The following SEMA4F variants were observed in gnomAD, a reference collection of about 807,000 sequenced individuals.
SEMA4F encodes the protein semaphorin-4F.
A neutral mutation model predicts 78.4 loss-of-function variants in SEMA4F; 51 were observed. The observed-to-expected ratio is 0.65, with a 90% CI of 0.52 to 0.82. SEMA4F has a LOEUF of 0.82. Among genes scored for constraint, SEMA4F ranks in the 40% least tolerant of loss-of-function variants. The probability of loss-of-function intolerance (pLI) is 0.00; values close to 1 mark genes in which losing one functional copy is unlikely to be tolerated. For missense variants in SEMA4F, 938 were observed against 1,014.4 expected, an observed-to-expected ratio of 0.92 and a Z score of 1.02; for synonymous variants, 418 against 408.7, an observed-to-expected ratio of 1.02 and a Z score of -0.27.
intron 4 of SEMA4F, among the ~76,000 whole-genome samples, chr2:74,661,650 CA>C (rs1684430369): frequency 6.6e-6 from 1 of 152,210 alleles, no homozygotes; most frequent in South Asian, 2.1e-4. Flanking sequence ...TCTGACCCAG[CA>C]TTCCGTTTTT....
At chr2:74,689,324 A>T in the SEMA4F span, among the ~76,000 whole-genome samples, 1 of 152,216 alleles carries the variant, frequency 6.6e-6, no homozygotes, top group Non-Finnish European at 1.5e-5. Flanking sequence ...GGAACCAGAA[A>T]AAACAAGAAA....
At chr2:74,675,120 T>C in intron 9 of SEMA4F, 42 bp from the exon 10 acceptor site, 1 of 1,613,760 alleles carries the variant, frequency 6.2e-7, no homozygotes, top group South Asian at 1.1e-5. Context: ...TGGCATGTCC[T>C]GTTCCTGGGA....
rs758241821 is a variant in SEMA4F, at chr2:74,654,427, C to G, written c.51C>G (p.Ala17=). 11 of 1,561,628 alleles carry G rather than the reference C, an allele frequency of 7.0e-6. No homozygotes were observed. The South Asian group carries it at 9.4e-5, about 13-fold the overall frequency. ...GCCCGGGTCCCGGGCAGCCTACAGCCTCGCCCTTCCCGCTACTGCTGCTGG... is the reference window on the plus strand; with the variant it reads ...GCCCGGGTCCCGGGCAGCCTACAGCGTCGCCCTTCCCGCTACTGCTGCTGG... The part of the protein sequence containing the change: ...RPRPGPGQPT[A]SPFPLLLLAV... Residue 17 remains alanine (A), a synonymous_variant, in exon 1 of 14, where the codon GCC becomes GCG. Coordinates refer to ENST00000357877, the MANE Select transcript of SEMA4F (RefSeq NM_004263.5).
At chr2:74,673,395 T>C in intron 5 of SEMA4F, 62 bp from the exon 6 acceptor site, 1 of 1,602,420 alleles carries the variant, frequency 6.2e-7, no homozygotes. Context: ...ACTCTGCCTG[T>C]GACCTCTGTT....
chr2:74,678,959 C>A (rs1334794735), intron 12 of SEMA4F, among the ~76,000 whole-genome samples: 1 of 151,962 alleles, frequency 6.6e-6, no homozygotes, highest in Non-Finnish European at 1.5e-5. Context: ...TTGTGGAGAA[C>A]CAGGTTCATT....
At chr2:74,659,922 C>T (rs1005405417) in intron 4 of SEMA4F, among the ~76,000 whole-genome samples, 3 of 152,182 alleles carry the variant, frequency 2.0e-5, no homozygotes, top group African/African-American at 7.2e-5. Context: ...GATCTAAGGG[C>T]TCCCACTGTG....
At position 74,656,648 on chromosome 2, in the gene SEMA4F, C is replaced by T. The variant is rs778609107; in HGVS notation, c.260C>T (p.Ala87Val). The T allele has an allele frequency of 1.2e-6, 2 of 1,614,090 alleles. No individual in the cohort carries two copies. The highest frequency in any genetic ancestry group is 2.2e-5 in the East Asian group (1 of 44,890). The change falls in exon 2 of 14, where the codon GCT (alanine) becomes GTT (valine). Residue 87 changes from alanine (A) to valine (V), a missense_variant. Coordinates refer to ENST00000357877, the MANE Select transcript of SEMA4F (RefSeq NM_004263.5). Reference protein sequence around the residue: ...LYVGARDTIFALSLPFSGERP... With the variant: ...LYVGARDTIFVLSLPFSGERP... ...GTTGGCGCCCGGGACACCATCTTCG[C>T]TTTATCCCTGCCCTTCTCAGGGGAG...
At chr2:74,660,791 A>G (rs367930300) in intron 4 of SEMA4F, among the ~76,000 whole-genome samples, 3 of 152,210 alleles carry the variant, frequency 2.0e-5, no homozygotes, top group South Asian at 2.1e-4. Flanking sequence ...GTTTCAACAT[A>G]TTGAGTTTTA....
rs1685682673 is a variant in SEMA4F at position 74,682,637 on chromosome 2, G to C, written c.*2428G>C. On this transcript the variant is annotated 3_prime_UTR_variant, in exon 14 of 14. Coordinates refer to ENST00000357877, the MANE Select transcript of SEMA4F (RefSeq NM_004263.5). ...CCTTTGTATAGAATGGAGGAAGGCT[G>C]TGTGTTCTTTGGTTTACCCTCAGCC... The C allele has an allele frequency of 6.6e-6, 1 of 152,172 alleles. No individual in the cohort carries two copies. The highest frequency in any genetic ancestry group is 6.5e-5 in the Admixed American group (1 of 15,276). 9.4% of individuals were successfully genotyped at this position (152,172 alleles called of 1,614,324 possible). A position where few individuals can be genotyped will look rare whatever the true frequency, so the allele number is the denominator to read the frequency against.
At chr2:74,664,601 G>C (rs1009154911) in intron 5 of SEMA4F, among the ~76,000 whole-genome samples, 5 of 152,168 alleles carry the variant, frequency 3.3e-5, no homozygotes, top group African/African-American at 9.7e-5. Flanking sequence ...GTGAATGAGA[G>C]TGGCTTTTCT....
chr2:74,672,242 A>G (rs576047916), intron 5 of SEMA4F, among the ~76,000 whole-genome samples: 1 of 152,192 alleles, frequency 6.6e-6, no homozygotes, highest in East Asian at 1.9e-4. Flanking sequence ...GAGCATGGCT[A>G]CCCTCTTCAC....
chr2:74,697,121 G>A, the SEMA4F span, among the ~76,000 whole-genome samples: 12 of 152,240 alleles, frequency 7.9e-5, no homozygotes, highest in Non-Finnish European at 1.3e-4. Flanking sequence ...GAGTAGAAGT[G>A]TGCCTGTCTA....
chr2:74,658,052 T>C lies in SEMA4F; in HGVS notation c.456+101T>C. 10 of 1,043,066 alleles carry C rather than the reference T, an allele frequency of 9.6e-6. No homozygotes were observed. Among genetic ancestry groups the C allele is most frequent in the Non-Finnish European group, 1.5e-5 (10 of 673,140 alleles). The allele number at this position is 1,043,066 out of a possible 1,614,324, so 64.6% of individuals were successfully genotyped here. On this transcript the variant is annotated intron_variant, in intron 4 of 13. Coordinates refer to ENST00000357877, the MANE Select transcript of SEMA4F (RefSeq NM_004263.5). The surrounding 1 kb of genome is among the most constrained non-coding windows in gnomAD (Gnocchi z 4.3). ...GGGAAGGGTTTTCTGTGAGCGACCATGATGGGGGCATGGTCAAGGCAACCA... is the reference window on the plus strand; with the variant it reads ...GGGAAGGGTTTTCTGTGAGCGACCACGATGGGGGCATGGTCAAGGCAACCA...
At chr2:74,666,412 CT>C (rs75081488) in intron 5 of SEMA4F, among the ~76,000 whole-genome samples, 7,975 of 142,668 alleles carry the variant, frequency 0.056, 640 homozygotes, top group African/African-American at 0.18. Context: ...GGTTTTAAGT[CT>C]TTTTTTTTTT....
intron 1 of SEMA4F, 55 bp downstream of exon 1, chr2:74,654,576 C>T: frequency 7.0e-7 from 1 of 1,423,318 alleles, no homozygotes; most frequent in East Asian, 2.8e-5. Flanking sequence ...CACACCCACA[C>T]CCACCTGCTC....
At chr2:74,696,944 T>C in the SEMA4F span, among the ~76,000 whole-genome samples, 3 of 152,240 alleles carry the variant, frequency 2.0e-5, no homozygotes, top group African/African-American at 7.2e-5. Flanking sequence ...TCTTACAACC[T>C]GTGGCGTCAT....
In SEMA4F at chr2:74,675,003, G is replaced by A; in HGVS notation, c.1117G>A (p.Asp373Asn). The change falls in exon 9 of 14, where the codon GAC becomes AAC. Residue 373 changes from aspartate to asparagine, a missense_variant. By Grantham distance (23) the Asp-to-Asn change is conservative (BLOSUM62 1). Coordinates refer to ENST00000357877, the MANE Select transcript of SEMA4F (RefSeq NM_004263.5). ...HDCNRGLPVV[D>N]NDVPQPRPGE... ...CTGCAACAGAGGACTGCCTGTCGTG[G>A]ACAATGATGTGCCCCAGCCCAGACC... The A allele has an allele frequency of 6.2e-7, 1 of 1,614,012 alleles. No homozygotes were observed. Among genetic ancestry groups the A allele is most frequent in the South Asian group, 1.1e-5 (1 of 91,062 alleles).
At chr2:74,708,977 G>A in the SEMA4F span, among the ~76,000 whole-genome samples, 1 of 152,196 alleles carries the variant, frequency 6.6e-6, no homozygotes, top group South Asian at 2.1e-4. Context: ...ACCAGCCTGG[G>A]AAACATGACA....
chr2:74,680,271 T>TG lies in SEMA4F; in HGVS notation c.*67dup. The TG allele has an allele frequency of 6.7e-7, 1 of 1,494,818 alleles. No homozygotes were observed. Among genetic ancestry groups the TG allele is most frequent in the Admixed American group, 2.3e-5 (1 of 44,412 alleles). 92.6% of individuals were successfully genotyped at this position (1,494,818 alleles called of 1,614,324 possible). On this transcript the variant is annotated 3_prime_UTR_variant, in exon 14 of 14. Transcript: ENST00000357877. The stretch of plus-strand genomic sequence containing the variant: ...TGGAACGGAGTGACCACTGAGATGC[T>TG]GGGGGTCACTGGGCCTGGAAGACCA...
Sources: gnomAD v4.1 joint callset for allele counts (sites outside exome capture counted in the v4.1 genomes callset) on GRCh38, gnomAD v4.1.1 for gene constraint, Gnocchi (gnomAD v3.1) non-coding constraint, MANE v1.5 for transcripts, NCBI Gene and HGNC (gene_info 2026-07-23, HGNC 2026-07-21) for gene names.